Variants in EYS observed in about 807,000 individuals in gnomAD.
EYS encodes EGF-like photoreceptor maintenance factor.
EYS carries 250 observed loss-of-function variants against 282.1 expected under a neutral mutation model. That is an observed-to-expected ratio of 0.89 (90% CI 0.80 to 0.98). The LOEUF (loss-of-function observed/expected upper bound fraction) is 0.98. EYS is among the 50% of genes least tolerant of loss of function. EYS has a pLI of 0.00. For synonymous variants in EYS, 1,355 were observed against 1,282.9 expected, an observed-to-expected ratio of 1.06 and a Z score of -1.20; for missense variants, 4,016 against 3,709.0, an observed-to-expected ratio of 1.08 and a Z score of -2.15.
At chr6:65,378,744 T>C (rs1025218023) in intron 8 of EYS, among the ~76,000 whole-genome samples, 1 of 152,130 alleles carries the variant, frequency 6.6e-6, no homozygotes, top group Non-Finnish European at 1.5e-5. Context: ...GGGACATGGA[T>C]GAAGATGGAA....
intron 5 of EYS, among the ~76,000 whole-genome samples, chr6:65,481,082 T>C (rs993669565): frequency 6.6e-6 from 1 of 152,190 alleles, no homozygotes; most frequent in African/African-American, 2.4e-5. Context: ...TAATTTATTA[T>C]ATATTTTCAA....
chr6:64,121,201 G>C (rs146661169), intron 31 of EYS, among the ~76,000 whole-genome samples: 1 of 152,090 alleles, frequency 6.6e-6, no homozygotes. Flanking sequence ...ATAATCATGC[G>C]GATGAGCAGG....
intron 15 of EYS, among the ~76,000 whole-genome samples, chr6:64,942,924 C>T (rs1355625421): frequency 6.7e-6 from 1 of 150,310 alleles, no homozygotes; most frequent in Non-Finnish European, 1.5e-5. Flanking sequence ...GGAAAAGATA[C>T]AACACAAAAA....
At chr6:64,439,134 A>T (rs543903911) in intron 27 of EYS, 28 bp downstream of exon 27, 18 of 1,280,530 alleles carry the variant, frequency 1.4e-5, no homozygotes, top group East Asian at 1.1e-4. Context: ...TGTAATTTTT[A>T]AAAAATTAAA....
intron 31 of EYS, among the ~76,000 whole-genome samples, chr6:64,196,549 G>A (rs1221818534): frequency 6.6e-6 from 1 of 152,082 alleles, no homozygotes; most frequent in East Asian, 1.9e-4. Flanking sequence ...ATACACCACG[G>A]AATACTATGC....
intron 41 of EYS, among the ~76,000 whole-genome samples, chr6:63,738,448 G>A (rs1178728998): frequency 6.6e-6 from 1 of 151,846 alleles, no homozygotes; most frequent in Non-Finnish European, 1.5e-5. Flanking sequence ...GGACATGGAT[G>A]AAATTGGAAA....
chr6:65,492,538 A>C (rs1766087687), intron 4 of EYS, among the ~76,000 whole-genome samples: 1 of 152,230 alleles, frequency 6.6e-6, no homozygotes, highest in African/African-American at 2.4e-5. Context: ...TTTTCTGGCC[A>C]AATGTTCTTT....
rs371761774 is a variant in EYS at position 65,375,815 on chromosome 6, G to A, written c.1299+8571C>T. 9.2e-5 allele frequency among the ~76,000 whole-genome samples: 14 copies of A among 152,076 alleles called. No individual in the cohort carries two copies. The East Asian group carries it at 2.3e-3, about 25-fold the overall frequency. On this transcript the variant is annotated intron_variant, in intron 8 of 42. Transcript: ENST00000503581. ...TCAACTTAATGAAATAAAGCGTGAA[G>A]ACAAGATTACAACAAACAGAATGAA...
chr6:65,320,746 G>T (rs1487718257), intron 11 of EYS, among the ~76,000 whole-genome samples: 6 of 151,808 alleles, frequency 4.0e-5, no homozygotes, highest in Admixed American at 3.9e-4. Context: ...AGAGGTGCAG[G>T]TTAAACAGGT....
At chr6:65,535,351 T>C (rs888772436) in intron 2 of EYS, among the ~76,000 whole-genome samples, 2 of 152,068 alleles carry the variant, frequency 1.3e-5, no homozygotes, top group African/African-American at 2.4e-5. Flanking sequence ...AATTGAATCA[T>C]GGGGGCAGGT....
chr6:64,194,695 C>T (rs1303542888), intron 31 of EYS, among the ~76,000 whole-genome samples: 1 of 152,116 alleles, frequency 6.6e-6, no homozygotes, highest in African/African-American at 2.4e-5. Context: ...TGATTAGCAA[C>T]AACGTATATT....
intron 41 of EYS, among the ~76,000 whole-genome samples, chr6:63,740,517 C>G (rs1769048661): frequency 6.6e-6 from 1 of 152,180 alleles, no homozygotes; most frequent in South Asian, 2.1e-4. Context: ...GTTTTCAAAA[C>G]ACTTTGCTTG....
Position 65,353,559 on chromosome 6 carries a change from A to G in EYS, c.1358T>C (p.Leu453Pro), listed in dbSNP as rs1321761091. 1.2e-6 allele frequency: 2 copies of G among 1,612,884 alleles called. No individual in the cohort carries two copies. The highest frequency in any genetic ancestry group is 1.7e-6 in the Non-Finnish European group (2 of 1,179,224). The change falls in exon 9 of 43, where the codon CTA becomes CCA. Residue 453 changes from leucine to proline, a missense_variant. Coordinates refer to ENST00000503581, the MANE Select transcript of EYS (RefSeq NM_001142800.2). ...NPCWFLKNVY[L>P]IHQHLCYCGV... ...ACAGTAGCAGAGGTGTTGATGAATT[A>G]GGTAAACATTCTTCAAAAACCAACA... is the stretch of plus-strand genomic sequence containing the variant.
chr6:63,786,839 A>G (rs991538386), intron 39 of EYS, among the ~76,000 whole-genome samples: 3 of 152,170 alleles, frequency 2.0e-5, no homozygotes, highest in Admixed American at 6.5e-5. Flanking sequence ...GTTTTTAAGA[A>G]GTTATCCTAT....
intron 26 of EYS, among the ~76,000 whole-genome samples, chr6:64,526,279 A>G (rs927147891): frequency 6.6e-6 from 1 of 151,742 alleles, no homozygotes; most frequent in African/African-American, 2.4e-5. Flanking sequence ...AGCTTTATCA[A>G]TGTCAATATA....
intron 26 of EYS, among the ~76,000 whole-genome samples, chr6:64,533,271 G>T (rs753176228): frequency 1.6e-4 from 25 of 152,234 alleles, no homozygotes; most frequent in Non-Finnish European, 3.2e-4. Context: ...AAGTAAAAAA[G>T]AGTGGAACAA....
chr6:63,946,739 T>C (rs995484070), intron 35 of EYS, among the ~76,000 whole-genome samples: 14 of 151,650 alleles, frequency 9.2e-5, no homozygotes, highest in African/African-American at 3.2e-4. Context: ...TTTTTTTTTT[T>C]TTTTTGGCTA....
At chr6:65,017,595 T>C (rs1360300029) in intron 13 of EYS, among the ~76,000 whole-genome samples, 1 of 152,162 alleles carries the variant, frequency 6.6e-6, no homozygotes, top group Non-Finnish European at 1.5e-5. Context: ...AATCGGACCC[T>C]GGTGCTTTTC....
chr6:64,463,072 A>G (rs1333851911), intron 26 of EYS, among the ~76,000 whole-genome samples: 7 of 149,124 alleles, frequency 4.7e-5, no homozygotes, highest in Non-Finnish European at 1.0e-4. Flanking sequence ...AAGGCCTCCC[A>G]AGCAGCTGGG....
Sources: gnomAD v4.1 joint callset for allele counts (sites outside exome capture counted in the v4.1 genomes callset) on GRCh38, gnomAD v4.1.1 for gene constraint, MANE v1.5 for transcripts, NCBI Gene and HGNC (gene_info 2026-07-23, HGNC 2026-07-21) for gene names.